The following DMXL1 variants were observed in gnomAD, a reference collection of about 807,000 sequenced individuals.
The protein encoded by DMXL1 is Dmx like 1.
A neutral mutation model predicts 319.2 loss-of-function variants in DMXL1; 99 were observed. The ratio of observed to expected loss-of-function variants is 0.31; its 90% CI spans 0.26 to 0.37. The LOEUF is 0.37. Among genes scored for constraint, DMXL1 ranks in the 10% least tolerant of loss-of-function variants. DMXL1 has a pLI of 1.00. For missense variants in DMXL1, 3,745 were observed against 3,595.6 expected (o/e 1.04, Z -1.06); for synonymous variants, 1,385 against 1,235.2 (o/e 1.12, Z -2.54).
chr5:119,171,176 C>G lies in DMXL1; in HGVS notation c.6385C>G (p.Leu2129Val), dbSNP rs752776632. The G allele has an allele frequency of 1.2e-6, 2 of 1,613,926 alleles. No individual in the cohort carries two copies. Among genetic ancestry groups the G allele is most frequent in the East Asian group, 4.5e-5 (2 of 44,860 alleles). Residue 2129 changes from leucine to valine, a missense_variant, in exon 24 of 44, where the codon CTT becomes GTT. This residue lies in a region of DMXL1 where 1,382 missense variants were observed against 1,269.5 expected (regional missense o/e 1.09). Transcript: ENST00000539542. Reference protein sequence around the residue: ...KRQWLLKYQSLLRMFLSYCIL... With the variant: ...KRQWLLKYQSVLRMFLSYCIL... Reference sequence around the variant, plus strand: ...ACAGTGGCTCTTGAAGTATCAGTCACTTTTGAGAATGTTTCTTAGTTACTG... The same window carrying G: ...ACAGTGGCTCTTGAAGTATCAGTCAGTTTTGAGAATGTTTCTTAGTTACTG...
intron 9 of DMXL1, chr5:119,126,769 C>G (rs1331992122): frequency 6.5e-6 from 1 of 154,888 alleles, no homozygotes; most frequent in Non-Finnish European, 1.5e-5. Context: ...AAGATCTTCA[C>G]TTTCTATTGT....
At position 119,150,360 on chromosome 5, in the gene DMXL1, C is replaced by A. The variant is rs1769493486; in HGVS notation, c.4533C>A (p.Ala1511=). ...LSRMEQMSLM[A]LADTIATTST... is the part of the protein sequence containing the mutation. ...GGATGGAGCAGATGTCTTTGATGGC[C>A]TTAGCAGATACAATTGCAACTACAA... The change falls in exon 18 of 44, where the codon GCC becomes GCA. Residue 1511 remains alanine (A), a synonymous_variant. Transcript: ENST00000539542. 3 of 1,613,638 alleles carry A rather than the reference C, an allele frequency of 1.9e-6. No homozygotes were observed. Among genetic ancestry groups the A allele is most frequent in the Non-Finnish European group, 1.7e-6 (2 of 1,179,796 alleles).
Position 119,170,465 on chromosome 5 carries a change from T to G in DMXL1, c.5674T>G (p.Tyr1892Asp), listed in dbSNP as rs1396495338. ...PKVIKKTRPF[Y>D]RASSFLDTSK... ...AGTCATCAAGAAAACAAGACCTTTT[T>G]ATAGGGCTTCTAGTTTTCTGGATAC... Residue 1892 changes from tyrosine (Y) to aspartate (D), a missense_variant, in exon 24 of 44, where the codon TAT (tyrosine) becomes GAT (aspartate). Tyr to Asp is a radical substitution (Grantham distance 160). Transcript: ENST00000539542. The G allele has an allele frequency of 6.2e-7, 1 of 1,613,750 alleles. No individual in the cohort carries two copies. Among genetic ancestry groups the G allele is most frequent in the Non-Finnish European group, 8.5e-7 (1 of 1,179,906 alleles).
intron 43 of DMXL1, among the ~76,000 whole-genome samples, chr5:119,246,689 A>G (rs536374571): frequency 1.4e-5 from 2 of 145,358 alleles, no homozygotes; most frequent in African/African-American, 5.1e-5. Context: ...GCTGGAGCGC[A>G]ATGGTGTGAT....
At chr5:119,099,892 C>A (rs953051303) in intron 2 of DMXL1, among the ~76,000 whole-genome samples, 2 of 151,956 alleles carry the variant, frequency 1.3e-5, no homozygotes, top group African/African-American at 4.8e-5. Context: ...TCCTAGCTAC[C>A]CGGGAAGCTG....
intron 28 of DMXL1, among the ~76,000 whole-genome samples, chr5:119,185,824 T>C (rs992108463): frequency 7.9e-5 from 12 of 152,106 alleles, no homozygotes; most frequent in Non-Finnish European, 4.4e-5. Flanking sequence ...TTTTAATCAC[T>C]AATCTTATTC....
chr5:119,071,251 C>T lies in DMXL1; in HGVS notation c.-319C>T. 2.8e-6 allele frequency: 1 copy of T among 355,508 alleles called. No individual in the cohort carries two copies. The highest frequency in any genetic ancestry group is 5.2e-6 in the Non-Finnish European group (1 of 192,056). The allele number at this position is 355,508 out of a possible 1,614,324, so 22.0% of individuals were successfully genotyped here. ...GAAGTGTGTGGACAGCGCGGCCTTC[C>T]TGGCCGGTGAGTCGGCCCCGGGTCG... is the stretch of plus-strand genomic sequence containing the variant. On this transcript the variant is annotated 5_prime_UTR_variant, in exon 1 of 44. Coordinates refer to ENST00000539542, the MANE Select transcript of DMXL1 (RefSeq NM_001290321.3).
chr5:119,146,781 A>G, intron 15 of DMXL1, 56 bp from the exon 16 acceptor site: 1 of 1,483,566 alleles, frequency 6.7e-7, no homozygotes, highest in Non-Finnish European at 9.0e-7. Flanking sequence ...TGGCATGTTT[A>G]GCAAGTTGTC....
At chr5:119,145,259 C>G (rs1038961751) in intron 15 of DMXL1, among the ~76,000 whole-genome samples, 1 of 151,778 alleles carries the variant, frequency 6.6e-6, no homozygotes, top group Non-Finnish European at 1.5e-5. Context: ...TGTTAAATAT[C>G]TTCTCCATTT....
chr5:119,094,284 C>G (rs1029292744), intron 1 of DMXL1, among the ~76,000 whole-genome samples: 1 of 152,202 alleles, frequency 6.6e-6, no homozygotes, highest in African/African-American at 2.4e-5. Flanking sequence ...AGCCCATGCC[C>G]ATTTATCATG....
chr5:119,239,317 C>CT (rs1242518122), intron 41 of DMXL1, among the ~76,000 whole-genome samples: 1 of 152,102 alleles, frequency 6.6e-6, no homozygotes, highest in East Asian at 1.9e-4. Flanking sequence ...TGTTATATAA[C>CT]TGAGTTCTGA....
At chr5:119,205,493 T>A (rs1009038192) in intron 33 of DMXL1, among the ~76,000 whole-genome samples, 2 of 152,128 alleles carry the variant, frequency 1.3e-5, no homozygotes, top group Non-Finnish European at 2.9e-5. Flanking sequence ...ACTAACAGTT[T>A]TGTGACTATC....
chr5:119,091,023 C>G (rs1754683096), intron 1 of DMXL1, among the ~76,000 whole-genome samples: 4 of 152,028 alleles, frequency 2.6e-5, no homozygotes, highest in Non-Finnish European at 5.9e-5. Context: ...ATATTTCAAT[C>G]TGTTTATTAA....
chr5:119,092,853 A>G (rs932924402), intron 1 of DMXL1, among the ~76,000 whole-genome samples: 3 of 152,240 alleles, frequency 2.0e-5, no homozygotes, highest in East Asian at 1.9e-4. Flanking sequence ...GCTTAATAAT[A>G]TTCCATTGTA....
rs1325713053 is a variant in DMXL1 at position 119,071,128 on chromosome 5, G to A, written c.-442G>A. 2 of 188,322 alleles carry A rather than the reference G, an allele frequency of 1.1e-5. No homozygotes were observed. Among genetic ancestry groups the A allele is most frequent in the East Asian group, 1.9e-4 (1 of 5,358 alleles). 11.7% of individuals were successfully genotyped at this position (188,322 alleles called of 1,614,324 possible). ...TGGCGGAGGACTGTGGGGGTGGCGG[G>A]CACCGGAGCCGGGAAGGGACAGGTC... On this transcript the variant is annotated 5_prime_UTR_variant, in exon 1 of 44. Coordinates refer to ENST00000539542, the MANE Select transcript of DMXL1 (RefSeq NM_001290321.3).
chr5:119,184,059 C>CTTTTTTTTTTTTTTTT lies in DMXL1; in HGVS notation c.7136-5637_7136-5636insTTTTTTTTTTTTTTTT, dbSNP rs1404022848. Among the ~76,000 whole-genome samples, 44 of 140,396 alleles carry CTTTTTTTTTTTTTTTT rather than the reference C, an allele frequency of 3.1e-4. 3 individuals carry two copies. The highest frequency in any genetic ancestry group is 1.1e-3 in the African/African-American group (41 of 36,316). 92.1% of individuals were successfully genotyped at this position (140,396 alleles called of 152,430 possible). A position where few individuals can be genotyped will look rare whatever the true frequency, so the allele number is the denominator to read the frequency against. On this transcript the variant is annotated intron_variant, in intron 28 of 43. Transcript: ENST00000539542. ...ACTCCCTCATTCAATGTTTTCTTCT[C>CTTTTTTTTTTTTTTTT]TTTTTTTTTTTTGAGACAGGGTCTT...
intron 38 of DMXL1, among the ~76,000 whole-genome samples, chr5:119,233,058 CTGT>C (rs1354597039): frequency 6.6e-6 from 1 of 151,626 alleles, no homozygotes; most frequent in Admixed American, 6.6e-5. Flanking sequence ...AAATAAAAGG[CTGT>C]TAAGACATCA....
chr5:119,120,867 A>C, intron 8 of DMXL1, 104 bp from the exon 9 acceptor site: 4 of 914,036 alleles, frequency 4.4e-6, no homozygotes, highest in Non-Finnish European at 4.6e-6. Context: ...AAACATGTAA[A>C]ATGTTCTGAG....
chr5:119,118,964 G>A lies in DMXL1; in HGVS notation c.893G>A (p.Arg298Lys). The A allele has an allele frequency of 6.2e-7, 1 of 1,613,348 alleles. No individual in the cohort carries two copies. The highest frequency in any genetic ancestry group is 8.5e-7 in the Non-Finnish European group (1 of 1,179,774). Residue 298 changes from arginine to lysine, a missense_variant, in exon 8 of 44, where the codon AGA becomes AAA. Physicochemically the swap from Arg to Lys is conservative, Grantham distance 26. Coordinates refer to ENST00000539542, the MANE Select transcript of DMXL1 (RefSeq NM_001290321.3). ...ATTAATTTAACAAATAACTTCAAGAGAAATGCTTCCAGTAAAGAACGAGTT... is the reference window on the plus strand; with the variant it reads ...ATTAATTTAACAAATAACTTCAAGAAAAATGCTTCCAGTAAAGAACGAGTT... ...ESINLTNNFK[R>K]NASSKERVQN...
Sources: allele counts gnomAD v4.1 joint callset (sites outside exome capture counted in the v4.1 genomes callset), GRCh38; gene constraint gnomAD v4.1.1; regional missense constraint gnomAD v4.1.1; transcripts MANE v1.5; gene names NCBI Gene and HGNC (gene_info 2026-07-23, HGNC 2026-07-21).